Variants in HOXB8 observed in about 807,000 individuals in gnomAD.
HOXB8 encodes homeobox B8.
In HOXB8, 17 loss-of-function variants were observed where a neutral mutation model predicts 22.2. That is an observed-to-expected ratio of 0.77 (90% CI 0.53 to 1.15). HOXB8 has a LOEUF of 1.15. HOXB8 is among the 50% of genes most tolerant of loss of function. The pLI is 0.00. For missense variants in HOXB8, 287 were observed against 323.8 expected (o/e 0.89, Z 0.87); for synonymous variants, 156 against 144.6 (o/e 1.08, Z -0.57).
intron 1 of HOXB8, among the ~76,000 whole-genome samples, chr17:48,613,737 A>C (rs891164958): frequency 3.3e-5 from 5 of 151,592 alleles, no homozygotes; most frequent in Admixed American, 1.3e-4. Context: ...CAGAAAGGGG[A>C]GCCCCCTCCC....
Position 48,614,102 on chromosome 17 carries a change from C to T in HOXB8, c.424+179G>A, listed in dbSNP as rs1597890483. 1.3e-5 allele frequency among the ~76,000 whole-genome samples: 2 copies of T among 152,262 alleles called. No homozygotes were observed. Among genetic ancestry groups the T allele is most frequent in the Non-Finnish European group, 1.5e-5 (1 of 68,022 alleles). The stretch of plus-strand genomic sequence containing the variant: ...TTCAGGAAATGTTTCTAAGCGACCC[C>T]CTTCAAGGGAAAGAAAAAAGAAAGA... On this transcript the variant is annotated intron_variant, in intron 1 of 1. Coordinates refer to ENST00000239144, the MANE Select transcript of HOXB8 (RefSeq NM_024016.4). This position sits in a 1 kb window ranked among gnomAD's most constrained non-coding sequence, Gnocchi z 4.1.
rs2070675835 is a variant in HOXB8, at chr17:48,613,144, C to G, written c.*58G>C. 1 of 1,211,828 alleles carries G rather than the reference C, an allele frequency of 8.3e-7. No individual in the cohort carries two copies. 75.1% of individuals were successfully genotyped at this position (1,211,828 alleles called of 1,614,324 possible). A position where few individuals can be genotyped will look rare whatever the true frequency, so the allele number is the denominator to read the frequency against. On this transcript the variant is annotated 3_prime_UTR_variant, in exon 2 of 2. Coordinates refer to ENST00000239144, the MANE Select transcript of HOXB8 (RefSeq NM_024016.4). ...CTCGGGCAGGGGCGCGCGGCGGCGG[C>G]GCGGCCGGGACCCGCGGACGTGCGG... is the stretch of plus-strand genomic sequence containing the variant.
chr17:48,613,513 G>A lies in HOXB8; in HGVS notation c.425-4C>T, dbSNP rs2070683652. ...CCTCGCCTGCGTCCGGCGGCTGCTG[G>A]GAATGGGGGAAAGGGCGAGACAGAG... On this transcript the variant is annotated splice_polypyrimidine_tract_variant and splice_region_variant and intron_variant, in intron 1 of 1. Coordinates refer to ENST00000239144, the MANE Select transcript of HOXB8 (RefSeq NM_024016.4). The A allele has an allele frequency of 1.5e-6, 2 of 1,354,084 alleles. No individual in the cohort carries two copies. Among genetic ancestry groups the A allele is most frequent in the Non-Finnish European group, 2.0e-6 (2 of 1,008,032 alleles). The allele number at this position is 1,354,084 out of a possible 1,614,324, so 83.9% of individuals were successfully genotyped here.
chr17:48,613,492 G>C lies in HOXB8; in HGVS notation c.442C>G (p.Arg148Gly). 6.3e-7 allele frequency: 1 copy of C among 1,578,566 alleles called. No individual in the cohort carries two copies. Among genetic ancestry groups the C allele is most frequent in the Non-Finnish European group, 8.6e-7 (1 of 1,156,792 alleles). Reference protein sequence around the residue: ...MRPQAAAGRRRGRQTYSRYQT... With the variant: ...MRPQAAAGRRGGRQTYSRYQT... ...TAGCGGCTGTAGGTCTGTCGGCCTCGCCTGCGTCCGGCGGCTGCTGGGAAT... is the reference window on the plus strand; with the variant it reads ...TAGCGGCTGTAGGTCTGTCGGCCTCCCCTGCGTCCGGCGGCTGCTGGGAAT... The change falls in exon 2 of 2, where the codon CGA becomes GGA. Residue 148 changes from arginine to glycine, a missense_variant. Arg to Gly is a moderately radical substitution (Grantham distance 125, BLOSUM62 -2). Coordinates refer to ENST00000239144, the MANE Select transcript of HOXB8 (RefSeq NM_024016.4).
Position 48,613,302 on chromosome 17 carries a change from G to C in HOXB8, c.632C>G (p.Pro211Arg). 1 of 1,614,018 alleles carries C rather than the reference G, an allele frequency of 6.2e-7. No individual in the cohort carries two copies. Residue 211 changes from proline to arginine, a missense_variant, in exon 2 of 2, where the codon CCC (proline) becomes CGC (arginine). Transcript: ENST00000239144. ...WKKENNKDKF[P>R]SSKCEQEELE... Reference sequence around the variant, plus strand: ...CTCCTCCTGCTCGCATTTGCTGCTGGGGAACTTGTCTTTGTTGTTCTCTTT... The same window carrying C: ...CTCCTCCTGCTCGCATTTGCTGCTGCGGAACTTGTCTTTGTTGTTCTCTTT...
Position 48,614,728 on chromosome 17 carries a change from CGGCGGCGGA to C in HOXB8, c.-33_-25del. 3.9e-6 allele frequency: 3 copies of C among 764,946 alleles called. No homozygotes were observed. The highest frequency in any genetic ancestry group is 4.6e-6 in the Non-Finnish European group (3 of 657,820). The allele number at this position is 764,946 out of a possible 1,614,324, so 47.4% of individuals were successfully genotyped here. ...ATTTTATTGAATTTTGAGGCGGCGG[CGGCGGCGGA>C]GGCTATAGTTGGGGGCTGTTGGGGA... On this transcript the variant is annotated 5_prime_UTR_variant, in exon 1 of 2. Coordinates refer to ENST00000239144, the MANE Select transcript of HOXB8 (RefSeq NM_024016.4). The surrounding 1 kb of genome is among the most constrained non-coding windows in gnomAD (Gnocchi z 4.1).
rs1041497450 is a variant in HOXB8 at position 48,615,139 on chromosome 17, C to A, written c.-435G>T. On this transcript the variant is annotated 5_prime_UTR_variant, in exon 1 of 2. Coordinates refer to ENST00000239144, the MANE Select transcript of HOXB8 (RefSeq NM_024016.4). ...TGAGTTGTTTCATATTTTGCACTGT[C>A]TTTTCATGATCATTTGCATCCATTA... Among the ~76,000 whole-genome samples the A allele has an allele frequency of 6.6e-5, 10 of 151,856 alleles. No individual in the cohort carries two copies. Among genetic ancestry groups the A allele is most frequent in the African/African-American group, 2.4e-4 (10 of 41,328 alleles).
Position 48,614,855 on chromosome 17 carries a change from G to C in HOXB8, c.-151C>G. On this transcript the variant is annotated 5_prime_UTR_variant, in exon 1 of 2. Transcript: ENST00000239144. The surrounding 1 kb of genome is among the most constrained non-coding windows in gnomAD (Gnocchi z 4.1). Reference sequence around the variant, plus strand: ...CTCGCCAGGAAAGGAGAGGGAAAGAGAGGAGGGAAAAAAAGAAAAGAAAGA... The same window carrying C: ...CTCGCCAGGAAAGGAGAGGGAAAGACAGGAGGGAAAAAAAGAAAAGAAAGA... 1 of 602,494 alleles carries C rather than the reference G, an allele frequency of 1.7e-6. No homozygotes were observed. The highest frequency in any genetic ancestry group is 2.8e-6 in the Non-Finnish European group (1 of 360,132). The allele number at this position is 602,494 out of a possible 1,614,324, so 37.3% of individuals were successfully genotyped here. A position where few individuals can be genotyped will look rare whatever the true frequency, so the allele number is the denominator to read the frequency against.
At chr17:48,614,000 C>G (rs908968984) in intron 1 of HOXB8, among the ~76,000 whole-genome samples, 1 of 151,712 alleles carries the variant, frequency 6.6e-6, no homozygotes. Flanking sequence ...CTCTTCACTA[C>G]CCCCCATAAA....
In HOXB8 at chr17:48,614,267, C is replaced by G. The variant is rs757221567; in HGVS notation, c.424+14G>C. The G allele has an allele frequency of 3.4e-6, 5 of 1,484,180 alleles. No individual in the cohort carries two copies. Among genetic ancestry groups the G allele is most frequent in the East Asian group, 2.4e-5 (1 of 42,016 alleles). 91.9% of individuals were successfully genotyped at this position (1,484,180 alleles called of 1,614,324 possible). A position where few individuals can be genotyped will look rare whatever the true frequency, so the allele number is the denominator to read the frequency against. Reference sequence around the variant, plus strand: ...GGCCCCCTCCTGCCCTTGTCGGCCCCGAGGCGAGCTCACCTTGCGGGCGCA... The same window carrying G: ...GGCCCCCTCCTGCCCTTGTCGGCCCGGAGGCGAGCTCACCTTGCGGGCGCA... On this transcript the variant is annotated intron_variant, in intron 1 of 1. Transcript: ENST00000239144. The surrounding 1 kb of genome is among the most constrained non-coding windows in gnomAD (Gnocchi z 4.1).
At chr17:48,613,538 GGGGAGGGGAGGGTGGGGGAGGGGGCA>G in intron 1 of HOXB8, 29 bp from the exon 2 acceptor site, 1 of 1,203,586 alleles carries the variant, frequency 8.3e-7, no homozygotes, top group South Asian at 1.3e-5. Context: ...GCGAGACAGA[GGGGAGGGGAGGGTGGGGGAGGGGGCA>G]GGGACGGAGA....
rs1226984337 is a variant in HOXB8 at position 48,615,001 on chromosome 17, A to AC, written c.-298dup. On this transcript the variant is annotated 5_prime_UTR_variant, in exon 1 of 2. Coordinates refer to ENST00000239144, the MANE Select transcript of HOXB8 (RefSeq NM_024016.4). ...GCCGCGGCTCGCTCGCCCTCCCCCC[A>AC]CCCCCCACCCCCCAAACAAAAATAT... 5.8e-6 allele frequency: 1 copy of AC among 172,342 alleles called. No homozygotes were observed. The highest frequency in any genetic ancestry group is 9.6e-6 in the Non-Finnish European group (1 of 104,558). 10.7% of individuals were successfully genotyped at this position (172,342 alleles called of 1,614,324 possible). A position where few individuals can be genotyped will look rare whatever the true frequency, so the allele number is the denominator to read the frequency against.
Position 48,613,220 on chromosome 17 carries a change from C to T in HOXB8, c.714G>A (p.Gln238=), listed in dbSNP as rs1369967280. The part of the protein sequence containing the change: ...APEAADEGDA[Q]KGDKK ...CTGAAGCCTACTTCTTGTCGCCCTT[C>T]TGCGCGTCGCCCTCGTCCGCCGCCT... The change falls in exon 2 of 2, where the codon CAG becomes CAA. Residue 238 remains glutamine (Q), a synonymous_variant. Coordinates refer to ENST00000239144, the MANE Select transcript of HOXB8 (RefSeq NM_024016.4). 1.2e-6 allele frequency: 2 copies of T among 1,611,354 alleles called. No individual in the cohort carries two copies. Among genetic ancestry groups the T allele is most frequent in the Non-Finnish European group, 8.5e-7 (1 of 1,178,520 alleles).
In HOXB8 at chr17:48,614,176, G is replaced by C; in HGVS notation, c.424+105C>G. On this transcript the variant is annotated intron_variant, in intron 1 of 1. Transcript: ENST00000239144. The surrounding 1 kb of genome is among the most constrained non-coding windows in gnomAD (Gnocchi z 4.1). Reference sequence around the variant, plus strand: ...GGGAAAAGCGGCAGGCGATCGGAACGGAGCCGGCAAGTCTTCCAGAAGCTG... The same window carrying C: ...GGGAAAAGCGGCAGGCGATCGGAACCGAGCCGGCAAGTCTTCCAGAAGCTG... 4 of 900,808 alleles carry C rather than the reference G, an allele frequency of 4.4e-6. No individual in the cohort carries two copies. The highest frequency in any genetic ancestry group is 1.7e-5 in the African/African-American group (1 of 59,168). The allele number at this position is 900,808 out of a possible 1,614,324, so 55.8% of individuals were successfully genotyped here.
At position 48,614,890 on chromosome 17, in the gene HOXB8, G is replaced by A. The variant is rs2070706913; in HGVS notation, c.-186C>T. 5.4e-6 allele frequency: 3 copies of A among 550,714 alleles called. No individual in the cohort carries two copies. The highest frequency in any genetic ancestry group is 3.1e-6 in the Non-Finnish European group (1 of 318,358). The allele number at this position is 550,714 out of a possible 1,614,324, so 34.1% of individuals were successfully genotyped here. A position where few individuals can be genotyped will look rare whatever the true frequency, so the allele number is the denominator to read the frequency against. ...AAAAAGAAAAGAAAGAAAAGGCGAAGAAGATCTCGAAGCCGACACACTTTT... is the reference window on the plus strand; with the variant it reads ...AAAAAGAAAAGAAAGAAAAGGCGAAAAAGATCTCGAAGCCGACACACTTTT... On this transcript the variant is annotated 5_prime_UTR_variant, in exon 1 of 2. Coordinates refer to ENST00000239144, the MANE Select transcript of HOXB8 (RefSeq NM_024016.4). The surrounding 1 kb of genome is among the most constrained non-coding windows in gnomAD (Gnocchi z 4.1).
In HOXB8 at chr17:48,614,061, A is replaced by G. The variant is rs7406355; in HGVS notation, c.424+220T>C. On this transcript the variant is annotated intron_variant, in intron 1 of 1. Coordinates refer to ENST00000239144, the MANE Select transcript of HOXB8 (RefSeq NM_024016.4). This position sits in a 1 kb window ranked among gnomAD's most constrained non-coding sequence, Gnocchi z 4.1. ...AGAAGAAGAAGAAAAGTAAGGCAGG[A>G]TGAGGGGTTTATAGATTCAGGAAAT... Among the ~76,000 whole-genome samples, 110,554 of 152,108 alleles carry G rather than the reference A, an allele frequency of 0.73. 41,286 individuals carry two copies. The highest frequency in any genetic ancestry group is 0.83 in the Admixed American group (12,697 of 15,298).
chr17:48,613,627 G>A, intron 1 of HOXB8, 118 bp from the exon 2 acceptor site: 1 of 649,194 alleles, frequency 1.5e-6, no homozygotes, highest in South Asian at 2.1e-5. Flanking sequence ...AAGGGCAGGG[G>A]ACCTTCTACC....
rs1449864488 is a variant in HOXB8, at chr17:48,613,184, G to A, written c.*18C>T. The stretch of plus-strand genomic sequence containing the variant: ...CGGACGTGCGGGCGGCCGCGGCCCT[G>A]GCAGTCCCAGCTGAAGCCTACTTCT... On this transcript the variant is annotated 3_prime_UTR_variant, in exon 2 of 2. Transcript: ENST00000239144. 2.7e-6 allele frequency: 4 copies of A among 1,495,682 alleles called. No individual in the cohort carries two copies. Among genetic ancestry groups the A allele is most frequent in the Non-Finnish European group, 1.8e-6 (2 of 1,117,882 alleles). 92.7% of individuals were successfully genotyped at this position (1,495,682 alleles called of 1,614,324 possible).
chr17:48,613,140 G>T lies in HOXB8; in HGVS notation c.*62C>A. 1 of 1,171,178 alleles carries T rather than the reference G, an allele frequency of 8.5e-7. No homozygotes were observed. The highest frequency in any genetic ancestry group is 1.1e-6 in the Non-Finnish European group (1 of 937,068). 72.5% of individuals were successfully genotyped at this position (1,171,178 alleles called of 1,614,324 possible). On this transcript the variant is annotated 3_prime_UTR_variant, in exon 2 of 2. Coordinates refer to ENST00000239144, the MANE Select transcript of HOXB8 (RefSeq NM_024016.4). ...CTCTCTCGGGCAGGGGCGCGCGGCG[G>T]CGGCGCGGCCGGGACCCGCGGACGT... is the stretch of plus-strand genomic sequence containing the variant.
Sources: allele counts gnomAD v4.1 joint callset (sites outside exome capture counted in the v4.1 genomes callset), GRCh38; gene constraint gnomAD v4.1.1; non-coding constraint Gnocchi (gnomAD v3.1); transcripts MANE v1.5; gene names NCBI Gene and HGNC (gene_info 2026-07-23, HGNC 2026-07-21).